The following HSF2BP variants were observed in gnomAD, a reference collection of about 807,000 sequenced individuals.
The protein encoded by HSF2BP is heat shock transcription factor 2 binding protein, also known as heat shock factor 2-binding protein.
HSF2BP carries 35 observed loss-of-function variants against 35.0 expected under a neutral mutation model. The ratio of observed to expected loss-of-function variants is 1.00; its 90% CI spans 0.76 to 1.32. The LOEUF (loss-of-function observed/expected upper bound fraction) is 1.32, where lower values mean the gene tolerates loss of function less well. Ranked by LOEUF, HSF2BP falls within the 40% of genes most tolerant of loss-of-function variation. The pLI is 0.00. For missense variants in HSF2BP, 326 were observed against 321.7 expected, an observed-to-expected ratio of 1.01 and a Z score of -0.10; for synonymous variants, 114 against 117.4, an observed-to-expected ratio of 0.97 and a Z score of 0.18.
At chr21:43,595,506 A>G (rs1332886470) in intron 7 of HSF2BP, among the ~76,000 whole-genome samples, 1 of 151,876 alleles carries the variant, frequency 6.6e-6, no homozygotes, top group Non-Finnish European at 1.5e-5. Flanking sequence ...AAAAAATACA[A>G]AAACAGCTGG....
chr21:43,579,897 G>A (rs1043068566), intron 8 of HSF2BP, among the ~76,000 whole-genome samples: 1 of 152,174 alleles, frequency 6.6e-6, no homozygotes, highest in Non-Finnish European at 1.5e-5. Context: ...AAACAGACAG[G>A]AACAGTGTTT....
intron 8 of HSF2BP, among the ~76,000 whole-genome samples, chr21:43,577,919 G>A (rs753157694): frequency 6.6e-6 from 1 of 151,272 alleles, no homozygotes; most frequent in Non-Finnish European, 1.5e-5. Context: ...TATTCTCCCC[G>A]CCCTTGAGAA....
Position 43,632,147 on chromosome 21 carries a change from A to T in HSF2BP, c.441+1125T>A, listed in dbSNP as rs1321571820. 4.5e-3 allele frequency among the ~76,000 whole-genome samples: 250 copies of T among 55,410 alleles called. 7 individuals are homozygous for T. The highest frequency in any genetic ancestry group is 0.025 in the African/African-American group (241 of 9,460). 36.4% of individuals were successfully genotyped at this position (55,410 alleles called of 152,430 possible). A position where few individuals can be genotyped will look rare whatever the true frequency, so the allele number is the denominator to read the frequency against. On this transcript the variant is annotated intron_variant, in intron 5 of 8. Transcript: ENST00000291560. ...CAAACACACACACGCTCCCACACAC[A>T]CACTCACACAGTCTCACACACACAC...
intron 8 of HSF2BP, among the ~76,000 whole-genome samples, chr21:43,588,964 A>T (rs2081892445): frequency 6.6e-6 from 1 of 152,176 alleles, no homozygotes; most frequent in African/African-American, 2.4e-5. Context: ...CAAGCTTGCA[A>T]GCTAACAAGC....
intron 7 of HSF2BP, among the ~76,000 whole-genome samples, chr21:43,610,551 A>G (rs2082191486): frequency 1.3e-5 from 2 of 152,074 alleles, no homozygotes; most frequent in African/African-American, 2.4e-5. Context: ...GGCTGCAGTG[A>G]GCCGTGATTG....
chr21:43,615,786 T>C (rs2082262163), intron 6 of HSF2BP, among the ~76,000 whole-genome samples: 1 of 152,136 alleles, frequency 6.6e-6, no homozygotes, highest in African/African-American at 2.4e-5. Flanking sequence ...CAAGTAAGCA[T>C]TTGGCATCAG....
In HSF2BP at chr21:43,657,389, A is replaced by G. The variant is rs574701198; in HGVS notation, c.37-652T>C. Among the ~76,000 whole-genome samples, 681 of 152,256 alleles carry G rather than the reference A, an allele frequency of 4.5e-3. 7 individuals are homozygous for G. Among genetic ancestry groups the G allele is most frequent in the African/African-American group, 0.015 (643 of 41,534 alleles). ...AAGTCATACAAGAGCTCTATTCCTA[A>G]AAGTCAAAGAAAACGCCTGCAACTT... On this transcript the variant is annotated intron_variant, in intron 2 of 8. Coordinates refer to ENST00000291560, the MANE Select transcript of HSF2BP (RefSeq NM_007031.2).
chr21:43,658,198 G>T lies in HSF2BP; in HGVS notation c.-102C>A. On this transcript the variant is annotated 5_prime_UTR_variant, in exon 2 of 9. Coordinates refer to ENST00000291560, the MANE Select transcript of HSF2BP (RefSeq NM_007031.2). ...GAATCCACGCCGGGGGTCGGGAACG[G>T]AGAGCCGCCAGGCCCAAACCTCCCA... 1 of 1,342,228 alleles carries T rather than the reference G, an allele frequency of 7.5e-7. No individual in the cohort carries two copies. The highest frequency in any genetic ancestry group is 1.5e-5 in the African/African-American group (1 of 66,410). 83.1% of individuals were successfully genotyped at this position (1,342,228 alleles called of 1,614,324 possible). A position where few individuals can be genotyped will look rare whatever the true frequency, so the allele number is the denominator to read the frequency against.
chr21:43,658,639 T>G (rs2082915444), intron 1 of HSF2BP, among the ~76,000 whole-genome samples: 1 of 152,164 alleles, frequency 6.6e-6, no homozygotes, highest in South Asian at 2.1e-4. Flanking sequence ...GTCCGCAAAA[T>G]ATAGGATGGC....
At chr21:43,595,323 T>G (rs576782174) in intron 7 of HSF2BP, among the ~76,000 whole-genome samples, 1 of 151,274 alleles carries the variant, frequency 6.6e-6, no homozygotes, top group African/African-American at 2.4e-5. Flanking sequence ...CAAATACTAA[T>G]GAAAAAAGAA....
chr21:43,608,334 C>T (rs959641586), intron 7 of HSF2BP, among the ~76,000 whole-genome samples: 5 of 151,996 alleles, frequency 3.3e-5, no homozygotes, highest in East Asian at 3.9e-4. Context: ...AAGCAGCCAA[C>T]GAAACATGAA....
intron 5 of HSF2BP, among the ~76,000 whole-genome samples, chr21:43,632,469 T>TCA (rs781703480): frequency 7.2e-6 from 1 of 139,584 alleles, no homozygotes; most frequent in Non-Finnish European, 1.5e-5. Context: ...ACACACATGC[T>TCA]CACACACACA....
chr21:43,650,320 C>A (rs1355190327), intron 3 of HSF2BP, among the ~76,000 whole-genome samples: 1 of 152,034 alleles, frequency 6.6e-6, no homozygotes, highest in Non-Finnish European at 1.5e-5. Context: ...CATTCTCCTG[C>A]CTCAGCCTCC....
intron 6 of HSF2BP, among the ~76,000 whole-genome samples, chr21:43,625,730 A>G (rs1198371598): frequency 6.6e-6 from 1 of 152,176 alleles, no homozygotes; most frequent in African/African-American, 2.4e-5. Context: ...TCAGCACTTT[A>G]ATAAAATATT....
chr21:43,586,886 T>C (rs908829033), intron 8 of HSF2BP, among the ~76,000 whole-genome samples: 3 of 152,120 alleles, frequency 2.0e-5, no homozygotes, highest in Non-Finnish European at 2.9e-5. Context: ...CTGCAACCTC[T>C]GCCTCCTGGG....
chr21:43,588,983 T>C (rs1169190262), intron 8 of HSF2BP, among the ~76,000 whole-genome samples: 1 of 152,196 alleles, frequency 6.6e-6, no homozygotes, highest in African/African-American at 2.4e-5. Flanking sequence ...GCTAGCATGC[T>C]AGAGTCTTAC....
intron 4 of HSF2BP, among the ~76,000 whole-genome samples, chr21:43,640,800 CA>C (rs773035962): frequency 2.4e-3 from 326 of 133,732 alleles, no homozygotes; most frequent in Middle Eastern, 3.9e-3. Context: ...AAATTTTAAC[CA>C]AAAAAAAAAA....
chr21:43,630,550 G>A, intron 5 of HSF2BP, 96 bp from the exon 6 acceptor site: 2 of 1,348,198 alleles, frequency 1.5e-6, no homozygotes, highest in South Asian at 1.6e-5. Flanking sequence ...AGTTTTAATT[G>A]TAGAATATTG....
Position 43,644,275 on chromosome 21 carries a change from C to G in HSF2BP, c.291+14G>C, listed in dbSNP as rs542162223. The G allele has an allele frequency of 1.3e-5, 21 of 1,605,428 alleles. No homozygotes were observed. The highest frequency in any genetic ancestry group is 1.7e-4 in the Middle Eastern group (1 of 6,054). ...CTTTCTGGCTTGGTGAGAGTCTGTC[C>G]CTGAGCATGGTACCTTCTTCTCTCT... On this transcript the variant is annotated intron_variant, in intron 4 of 8. Coordinates refer to ENST00000291560, the MANE Select transcript of HSF2BP (RefSeq NM_007031.2).
Sources: allele counts gnomAD v4.1 joint callset (sites outside exome capture counted in the v4.1 genomes callset), GRCh38; gene constraint gnomAD v4.1.1; transcripts MANE v1.5; gene names NCBI Gene and HGNC (gene_info 2026-07-23, HGNC 2026-07-21).